ARHGAP21: variants seen among roughly 807,000 people sequenced by gnomAD.
ARHGAP21 encodes the protein rho GTPase-activating protein 21.
Under a neutral mutation model 164.6 loss-of-function variants are expected in ARHGAP21, and 38 were observed. That is an observed-to-expected ratio of 0.23 (90% CI 0.18 to 0.30). ARHGAP21 has a LOEUF of 0.30. ARHGAP21 is among the 10% of genes least tolerant of loss of function. The pLI is 1.00. For missense variants in ARHGAP21, 1,822 were observed against 2,370.7 expected, an observed-to-expected ratio of 0.77 and a Z score of 4.81; for synonymous variants, 766 against 857.9, an observed-to-expected ratio of 0.89 and a Z score of 1.87.
intron 21 of ARHGAP21, among the ~76,000 whole-genome samples, chr10:24,593,269 A>G (rs938800228): frequency 3.4e-5 from 5 of 148,256 alleles, no homozygotes; most frequent in African/African-American, 1.3e-4. Flanking sequence ...GAAAGAAACT[A>G]TGTGTGGGAA....
rs769949720 is a variant in ARHGAP21 at position 24,635,090 on chromosome 10, G to T, written c.282C>A (p.Asn94Lys). ...ENGNRGGKQR[N>K]RLEPMDTIFV... ...ATATGGTATCCATTGGTTCCAAGCGGTTTCTTTGTTTTCCTGTTACAGAGA... is the reference window on the plus strand; with the variant it reads ...ATATGGTATCCATTGGTTCCAAGCGTTTTCTTTGTTTTCCTGTTACAGAGA... The change falls in exon 5 of 26, where the codon AAC becomes AAA. Residue 94 changes from asparagine to lysine, a missense_variant. Asn to Lys is a moderately conservative substitution (Grantham distance 94). This residue lies in a region of ARHGAP21 where 1,090 missense variants were observed against 1,378.9 expected (regional missense o/e 0.79). Coordinates refer to ENST00000396432, the MANE Select transcript of ARHGAP21 (RefSeq NM_020824.4). The T allele has an allele frequency of 1.7e-5, 27 of 1,589,016 alleles. No homozygotes were observed. The South Asian group carries it at 3.1e-4, about 18-fold the overall frequency.
chr10:24,654,061 C>T lies in ARHGAP21; in HGVS notation c.268+12924G>A, dbSNP rs56723713. On this transcript the variant is annotated intron_variant, in intron 4 of 25. Coordinates refer to ENST00000396432, the MANE Select transcript of ARHGAP21 (RefSeq NM_020824.4). ...TCTCAACAGATGCAGAAAAGGCCTT[C>T]GACAAGATTCAACAGCCCTTCATGC... Among the ~76,000 whole-genome samples, 92 of 152,136 alleles carry T rather than the reference C, an allele frequency of 6.0e-4. 1 individual carries two copies. The highest frequency in any genetic ancestry group is 3.4e-3 in the Middle Eastern group (1 of 294).
chr10:24,695,938 G>A (rs1843137407), intron 2 of ARHGAP21, among the ~76,000 whole-genome samples: 1 of 152,172 alleles, frequency 6.6e-6, no homozygotes, highest in Non-Finnish European at 1.5e-5. Context: ...CTGAGCTGGA[G>A]GACCCAGGTA....
intron 9 of ARHGAP21, among the ~76,000 whole-genome samples, chr10:24,619,239 G>T (rs1203986838): frequency 6.7e-6 from 1 of 150,276 alleles, no homozygotes; most frequent in Non-Finnish European, 1.5e-5. Flanking sequence ...TTTGAAATGG[G>T]TACTAGGTAC....
rs1180978130 is a variant in ARHGAP21, at chr10:24,594,384, G to GCCTATAATCCCAGCA, written c.3876+551_3876+565dup. ...AATGGGGCTGCGCATGGTGGCTCAT[G>GCCTATAATCCCAGCA]CCTATAATCCCAGCACTTTGGGAGG... On this transcript the variant is annotated intron_variant, in intron 21 of 25. Transcript: ENST00000396432. Among the ~76,000 whole-genome samples, 8 of 152,292 alleles carry GCCTATAATCCCAGCA rather than the reference G, an allele frequency of 5.3e-5. No individual in the cohort carries two copies. In the South Asian group the frequency reaches 1.7e-3, roughly 32 times the overall value.
rs745416908 is a variant in ARHGAP21, at chr10:24,619,594, T to C, written c.2301A>G (p.Ser767=). The C allele has an allele frequency of 3.1e-6, 5 of 1,614,088 alleles. No individual in the cohort carries two copies. The highest frequency in any genetic ancestry group is 2.5e-6 in the Non-Finnish European group (3 of 1,180,050). The part of the protein sequence containing the change: ...ILAVNDQETG[S]DTTCWLPNDA... ...CATTGGGCAGCCAGCAGGTAGTGTC[T>C]GACCCGGTCTCCTGGTCATTTACTG... Residue 767 remains serine (S), a synonymous_variant, in exon 9 of 26, where the codon TCA becomes TCG. Coordinates refer to ENST00000396432, the MANE Select transcript of ARHGAP21 (RefSeq NM_020824.4).
intron 4 of ARHGAP21, among the ~76,000 whole-genome samples, chr10:24,663,614 C>T (rs1210837472): frequency 2.0e-5 from 3 of 152,146 alleles, no homozygotes; most frequent in South Asian, 2.1e-4. Context: ...CTGCAACCTC[C>T]GCCTCCCAGG....
intron 1 of ARHGAP21, chr10:24,723,162 C>T (rs1400737876): frequency 6.6e-6 from 1 of 151,440 alleles, no homozygotes. Context: ...CTTACCCTTC[C>T]CGCCCGCTCG....
At chr10:24,627,766 TC>T (rs1364545256) in intron 7 of ARHGAP21, among the ~76,000 whole-genome samples, 3 of 152,226 alleles carry the variant, frequency 2.0e-5, no homozygotes, top group African/African-American at 7.2e-5. Context: ...TTAAGTGACC[TC>T]TTTTTCCATT....
chr10:24,636,859 C>T lies in ARHGAP21; in HGVS notation c.269-1756G>A, dbSNP rs1275741103. ...CTACACTTTATTTTTCTTCATTAAA[C>T]TTACAACCCACTACCTAAAATTACA... On this transcript the variant is annotated intron_variant, in intron 4 of 25. Coordinates refer to ENST00000396432, the MANE Select transcript of ARHGAP21 (RefSeq NM_020824.4). Among the ~76,000 whole-genome samples the T allele has an allele frequency of 2.6e-5, 4 of 152,216 alleles. No homozygotes were observed. The East Asian group carries it at 7.7e-4, about 29-fold the overall frequency.
Position 24,620,584 on chromosome 10 carries a change from T to A in ARHGAP21, c.1311A>T (p.Gly437=). 6.2e-7 allele frequency: 1 copy of A among 1,614,214 alleles called. No individual in the cohort carries two copies. Among genetic ancestry groups the A allele is most frequent in the Non-Finnish European group, 8.5e-7 (1 of 1,180,036 alleles). The change falls in exon 9 of 26, where the codon GGA becomes GGT. Residue 437 remains glycine, a synonymous_variant. Coordinates refer to ENST00000396432, the MANE Select transcript of ARHGAP21 (RefSeq NM_020824.4). ...GATCATGAGAGGTGCTTCGACGTCG[T>A]CCCTGCAAAGTAGTGCGGTTGGGGA... ...QVVPNRTTLQ[G]RRRSTSHDRV...
intron 4 of ARHGAP21, among the ~76,000 whole-genome samples, chr10:24,666,229 G>C (rs911086503): frequency 6.6e-6 from 1 of 151,994 alleles, no homozygotes; most frequent in Non-Finnish European, 1.5e-5. Flanking sequence ...CAGGATTTTC[G>C]CTGTGTTAGC....
intron 4 of ARHGAP21, among the ~76,000 whole-genome samples, chr10:24,666,736 T>C (rs539802067): frequency 1.3e-5 from 2 of 152,190 alleles, no homozygotes; most frequent in East Asian, 3.8e-4. Context: ...ATTATAATGA[T>C]ATATTCCTCC....
At chr10:24,647,997 C>T (rs1230225896) in intron 4 of ARHGAP21, among the ~76,000 whole-genome samples, 3 of 152,284 alleles carry the variant, frequency 2.0e-5, no homozygotes, top group Middle Eastern at 3.4e-3. Flanking sequence ...TGCCACCACA[C>T]CCGGCTAATT....
Position 24,604,364 on chromosome 10 carries a change from T to C in ARHGAP21, c.2685-16A>G, listed in dbSNP as rs753557392. The C allele has an allele frequency of 3.0e-5, 47 of 1,566,504 alleles. No homozygotes were observed. Among genetic ancestry groups the C allele is most frequent in the South Asian group, 1.1e-4 (9 of 82,856 alleles). ...CTTAAAGGACCTGTTGGGGAAAAAA[T>C]ATATAAATATTTTCAATTAGTGCAA... On this transcript the variant is annotated splice_polypyrimidine_tract_variant and intron_variant, in intron 11 of 25. Transcript: ENST00000396432.
chr10:24,662,878 C>G (rs1248587211), intron 4 of ARHGAP21, among the ~76,000 whole-genome samples: 1 of 152,024 alleles, frequency 6.6e-6, no homozygotes, highest in Non-Finnish European at 1.5e-5. Flanking sequence ...CTCCCTCAAC[C>G]TGTTAGACCC....
intron 2 of ARHGAP21, among the ~76,000 whole-genome samples, chr10:24,699,745 CCTT>C (rs1473877244): frequency 6.6e-6 from 1 of 152,186 alleles, no homozygotes; most frequent in Non-Finnish European, 1.5e-5. Flanking sequence ...CTGCTCTGCA[CCTT>C]CTTAGCTATG....
chr10:24,678,769 G>A (rs1318533204), intron 2 of ARHGAP21, among the ~76,000 whole-genome samples: 1 of 152,160 alleles, frequency 6.6e-6, no homozygotes, highest in African/African-American at 2.4e-5. Flanking sequence ...CTGGGCTGAT[G>A]TTATCCTCCT....
intron 4 of ARHGAP21, among the ~76,000 whole-genome samples, chr10:24,643,574 T>A (rs572149466): frequency 5.9e-5 from 9 of 152,338 alleles, no homozygotes; most frequent in African/African-American, 1.9e-4. Context: ...GAAGTTACTT[T>A]CTTTCTTACT....
Sources: allele counts gnomAD v4.1 joint callset (sites outside exome capture counted in the v4.1 genomes callset), GRCh38; gene constraint gnomAD v4.1.1; regional missense constraint gnomAD v4.1.1; transcripts MANE v1.5; gene names NCBI Gene and HGNC (gene_info 2026-07-23, HGNC 2026-07-21).